Variants in CSE1L observed in about 807,000 individuals in gnomAD.
The protein encoded by CSE1L is chromosome segregation 1 like.
In CSE1L, 24 loss-of-function variants were observed where a neutral mutation model predicts 120.4. The ratio of observed to expected loss-of-function variants is 0.20; its 90% CI spans 0.14 to 0.28. The LOEUF is 0.28. CSE1L is among the 10% of genes least tolerant of loss of function. The probability of loss-of-function intolerance (pLI) is 1.00; values close to 1 mark genes in which losing one functional copy is unlikely to be tolerated. For missense variants in CSE1L, 830 were observed against 1,145.2 expected (o/e 0.72, Z 3.97); for synonymous variants, 402 against 398.3 (o/e 1.01, Z -0.11).
chr20:49,089,208 G>A (rs2092082662), intron 17 of CSE1L, 39 bp from the exon 18 acceptor site: 1 of 1,485,624 alleles, frequency 6.7e-7, no homozygotes, highest in African/African-American at 1.5e-5. Context: ...GTTAGGTGTG[G>A]ATTATTAGCA....
At chr20:49,087,975 CTCTATTTGTTT>C in intron 16 of CSE1L, 23 bp from the exon 17 acceptor site, 3 of 1,272,858 alleles carry the variant, frequency 2.4e-6, no homozygotes, top group Non-Finnish European at 3.3e-6. Flanking sequence ...TTTAACTAAA[CTCTATTTGTTT>C]TTGCTGTTTT....
intron 14 of CSE1L, among the ~76,000 whole-genome samples, chr20:49,083,286 T>C (rs2092028673): frequency 6.6e-6 from 1 of 152,234 alleles, no homozygotes; most frequent in African/African-American, 2.4e-5. Context: ...CCCAAAGTGC[T>C]GGGATTACAG....
chr20:49,088,535 A>G (rs1336660577), intron 17 of CSE1L, among the ~76,000 whole-genome samples: 2 of 152,224 alleles, frequency 1.3e-5, no homozygotes, highest in Non-Finnish European at 2.9e-5. Flanking sequence ...TCAAAATTTT[A>G]CAGATACTTA....
intron 1 of CSE1L, among the ~76,000 whole-genome samples, chr20:49,048,241 G>A (rs2091737559): frequency 6.7e-6 from 1 of 149,254 alleles, no homozygotes; most frequent in African/African-American, 2.5e-5. Flanking sequence ...CTTACCATCA[G>A]TGCAAGGGAA....
intron 19 of CSE1L, among the ~76,000 whole-genome samples, chr20:49,090,015 C>T (rs1024817565): frequency 1.3e-5 from 2 of 151,992 alleles, no homozygotes; most frequent in Admixed American, 6.6e-5. Flanking sequence ...GTCCCATCTA[C>T]TTGGGAGGCT....
At chr20:49,074,620 A>G (rs1771247247) in intron 10 of CSE1L, among the ~76,000 whole-genome samples, 165 bp from the exon 11 acceptor site, 1 of 152,140 alleles carries the variant, frequency 6.6e-6, no homozygotes, top group African/African-American at 2.4e-5. Flanking sequence ...TCAGGGTAGC[A>G]TTTGCTGCTC....
intron 14 of CSE1L, among the ~76,000 whole-genome samples, chr20:49,082,985 A>G (rs2092025323): frequency 6.7e-6 from 1 of 150,248 alleles, no homozygotes; most frequent in South Asian, 2.1e-4. Context: ...GTACCCACCT[A>G]CATCATGACT....
intron 24 of CSE1L, among the ~76,000 whole-genome samples, chr20:49,095,557 C>A (rs1600555646): frequency 6.6e-6 from 1 of 152,136 alleles, no homozygotes; most frequent in South Asian, 2.1e-4. Flanking sequence ...TCAAGCCATC[C>A]TCCTCCCTCA....
At chr20:49,056,157 A>G (rs1600587880) in intron 1 of CSE1L, among the ~76,000 whole-genome samples, 2 of 151,106 alleles carry the variant, frequency 1.3e-5, no homozygotes, top group South Asian at 4.2e-4. Context: ...CTGAGGCTGG[A>G]GTGCAGTGGC....
rs774866398 is a variant in CSE1L, at chr20:49,092,142, A to G, written c.2447+15A>G. ...ATACAACCAAAGTAAGTTTGTTTTT[A>G]TTATTTTTTAAAGGAAGAAAATGTT... is the stretch of plus-strand genomic sequence containing the variant. On this transcript the variant is annotated intron_variant, in intron 22 of 24. Coordinates refer to ENST00000262982, the MANE Select transcript of CSE1L (RefSeq NM_001316.4). The G allele has an allele frequency of 4.1e-6, 6 of 1,446,324 alleles. No individual in the cohort carries two copies. Among genetic ancestry groups the G allele is most frequent in the Non-Finnish European group, 5.7e-6 (6 of 1,050,646 alleles). 89.6% of individuals were successfully genotyped at this position (1,446,324 alleles called of 1,614,324 possible).
chr20:49,083,972 T>C, intron 14 of CSE1L, 54 bp from the exon 15 acceptor site: 5 of 1,532,718 alleles, frequency 3.3e-6, no homozygotes, highest in South Asian at 1.2e-5. Flanking sequence ...AATTGTCTTT[T>C]ACTCAAATAT....
Position 49,089,756 on chromosome 20 carries a change from G to A in CSE1L, c.2181+10G>A, listed in dbSNP as rs769413660. The A allele has an allele frequency of 5.6e-6, 9 of 1,612,500 alleles. No homozygotes were observed. Among genetic ancestry groups the A allele is most frequent in the Non-Finnish European group, 7.6e-6 (9 of 1,178,680 alleles). On this transcript the variant is annotated intron_variant, in intron 19 of 24. Coordinates refer to ENST00000262982, the MANE Select transcript of CSE1L (RefSeq NM_001316.4). ...TGCAGCTGACAAAATTGTGCGTCAGGTTTTGATATAACTGTAATTTTATAA... is the reference window on the plus strand; with the variant it reads ...TGCAGCTGACAAAATTGTGCGTCAGATTTTGATATAACTGTAATTTTATAA...
chr20:49,092,220 G>T, intron 22 of CSE1L, 93 bp downstream of exon 22: 1 of 670,246 alleles, frequency 1.5e-6, no homozygotes, highest in Non-Finnish European at 2.5e-6. Flanking sequence ...ATGATGATGT[G>T]GTTCTTGGTA....
intron 21 of CSE1L, among the ~76,000 whole-genome samples, chr20:49,091,550 A>G (rs1237694800): frequency 6.6e-6 from 1 of 152,082 alleles, no homozygotes; most frequent in Non-Finnish European, 1.5e-5. Flanking sequence ...CCTGGGCAAC[A>G]TGGTAAGACC....
Position 49,063,277 on chromosome 20 carries a change from A to G in CSE1L, c.161A>G (p.Gln54Arg). The change falls in exon 3 of 25, where the codon CAG (glutamine) becomes CGG (arginine). Residue 54 changes from glutamine to arginine, a missense_variant. Gln to Arg is a conservative substitution (Grantham distance 43, BLOSUM62 1). Coordinates refer to ENST00000262982, the MANE Select transcript of CSE1L (RefSeq NM_001316.4). ...LLLLTLLEKS[Q>R]DNVIKVCASV... ...CTTTTGACATTACTGGAGAAGTCCC[A>G]GGATAATGTTATCAAAGTATGTGCT... 6.3e-7 allele frequency: 1 copy of G among 1,585,196 alleles called. No individual in the cohort carries two copies. The highest frequency in any genetic ancestry group is 1.1e-5 in the South Asian group (1 of 87,638).
chr20:49,058,639 T>A (rs2064853), intron 2 of CSE1L, 91 bp downstream of exon 2: 560,801 of 942,010 alleles, frequency 0.6, 168,066 homozygotes, highest in Admixed American at 0.66. Context: ...AAATATATTT[T>A]AAAAAATTCA....
At chr20:49,090,564 A>T (rs1005194569) in intron 19 of CSE1L, among the ~76,000 whole-genome samples, 178 bp from the exon 20 acceptor site, 3 of 152,216 alleles carry the variant, frequency 2.0e-5, no homozygotes, top group African/African-American at 7.2e-5. Flanking sequence ...CTCAAAGAAA[A>T]AAAAAATTAC....
chr20:49,050,599 C>T (rs1337725867), intron 1 of CSE1L, among the ~76,000 whole-genome samples: 1 of 150,670 alleles, frequency 6.6e-6, no homozygotes, highest in Non-Finnish European at 1.5e-5. Flanking sequence ...TTAGTAGAGA[C>T]GGGGTTTCAT....
chr20:49,073,659 A>AT (rs972404051), intron 10 of CSE1L, among the ~76,000 whole-genome samples: 8 of 151,882 alleles, frequency 5.3e-5, no homozygotes, highest in Non-Finnish European at 8.8e-5. Flanking sequence ...CTAGTTTTTT[A>AT]TTTTTTATAA....
Sources: gnomAD v4.1 joint callset for allele counts (sites outside exome capture counted in the v4.1 genomes callset) on GRCh38, gnomAD v4.1.1 for gene constraint, MANE v1.5 for transcripts, NCBI Gene and HGNC (gene_info 2026-07-23, HGNC 2026-07-21) for gene names.